GALNT13: variants seen among roughly 807,000 people sequenced by gnomAD.
GALNT13 encodes polypeptide N-acetylgalactosaminyltransferase 13, also known as UDP-GalNAc:polypeptide N-acetylgalactosaminyltransferase 13.
A neutral mutation model predicts 64.2 loss-of-function variants in GALNT13; 28 were observed. The observed-to-expected ratio is 0.44, with a 90% confidence interval of 0.32 to 0.60. The LOEUF is 0.60. Ranked by LOEUF, GALNT13 falls within the 20% of genes least tolerant of loss-of-function variation. The probability of loss-of-function intolerance (pLI) is 0.05; values close to 1 mark genes in which losing one functional copy is unlikely to be tolerated. For synonymous variants in GALNT13, 214 were observed against 224.6 expected, an observed-to-expected ratio of 0.95 and a Z score of 0.42; for missense variants, 577 against 669.8, an observed-to-expected ratio of 0.86 and a Z score of 1.53.
At chr2:153,410,265 G>T in the GALNT13 span, among the ~76,000 whole-genome samples, 1 of 151,636 alleles carries the variant, frequency 6.6e-6, no homozygotes, top group Non-Finnish European at 1.5e-5. Flanking sequence ...TTTAGGGGGG[G>T]TGGGGTAGGG....
At chr2:153,427,439 C>T in the GALNT13 span, among the ~76,000 whole-genome samples, 3 of 151,594 alleles carry the variant, frequency 2.0e-5, no homozygotes, top group Admixed American at 1.3e-4. Flanking sequence ...ATTAAATGGG[C>T]TAGGGAAACT....
chr2:153,181,826 TATAAC>T, the GALNT13 span, among the ~76,000 whole-genome samples: 6 of 146,066 alleles, frequency 4.1e-5, no homozygotes, highest in South Asian at 4.2e-4. Flanking sequence ...ATTTATATAA[TATAAC>T]ATAATTTATA....
the GALNT13 span, among the ~76,000 whole-genome samples, chr2:153,409,376 GTATA>G: frequency 8.2e-6 from 1 of 121,758 alleles, no homozygotes; most frequent in African/African-American, 3.3e-5. Flanking sequence ...TCATATGTGT[GTATA>G]TATATATATA....
chr2:154,095,743 A>G (rs1702042806), intron 3 of GALNT13, among the ~76,000 whole-genome samples: 1 of 151,998 alleles, frequency 6.6e-6, no homozygotes, highest in African/African-American at 2.4e-5. Context: ...ATTTTAGGGC[A>G]TTAAATAATT....
chr2:154,339,784 C>G lies in GALNT13; in HGVS notation c.1156+38195C>G, dbSNP rs147512690. On this transcript the variant is annotated intron_variant, in intron 9 of 12. Coordinates refer to ENST00000392825, the MANE Select transcript of GALNT13 (RefSeq NM_052917.4). ...TAGTAAAAAACTTTATTTTGATAATCAATTTTGGTTCCTGAGCTTTCTCTC... is the reference window on the plus strand; with the variant it reads ...TAGTAAAAAACTTTATTTTGATAATGAATTTTGGTTCCTGAGCTTTCTCTC... 2.2e-3 allele frequency among the ~76,000 whole-genome samples: 330 copies of G among 151,958 alleles called. 4 individuals carry two copies. The highest frequency in any genetic ancestry group is 0.018 in the Admixed American group (269 of 15,240).
chr2:153,786,676 G>T, the GALNT13 span, among the ~76,000 whole-genome samples: 216 of 152,054 alleles, frequency 1.4e-3, 1 homozygote, highest in Middle Eastern at 6.9e-3. Context: ...CAGTGCAGCT[G>T]CTCCACCCCA....
chr2:153,625,729 C>T, the GALNT13 span, among the ~76,000 whole-genome samples: 2 of 151,822 alleles, frequency 1.3e-5, no homozygotes, highest in African/African-American at 4.8e-5. Flanking sequence ...TCATCTCAGT[C>T]TTCTTTTTTT....
the GALNT13 span, among the ~76,000 whole-genome samples, chr2:153,790,681 A>G: frequency 3.3e-5 from 5 of 152,200 alleles, no homozygotes; most frequent in African/African-American, 1.2e-4. Context: ...TGCAGATGAC[A>G]TGATTGTCTA....
At chr2:153,187,725 C>G in the GALNT13 span, among the ~76,000 whole-genome samples, 6 of 152,130 alleles carry the variant, frequency 3.9e-5, no homozygotes, top group African/African-American at 1.2e-4. Flanking sequence ...CTGAAAAAAT[C>G]TACTCTTCTA....
At chr2:153,358,903 C>A in the GALNT13 span, among the ~76,000 whole-genome samples, 1,043 of 152,122 alleles carry the variant, frequency 6.9e-3, 15 homozygotes, top group African/African-American at 0.023. Context: ...AGGCATGTCT[C>A]TATACTTTTT....
chr2:154,087,701 G>T (rs1701602354), intron 3 of GALNT13, among the ~76,000 whole-genome samples: 1 of 152,048 alleles, frequency 6.6e-6, no homozygotes, highest in Non-Finnish European at 1.5e-5. Flanking sequence ...ATACATTCAA[G>T]CAATGATGTC....
At chr2:153,976,298 C>G (rs1052698604) in intron 3 of GALNT13, among the ~76,000 whole-genome samples, 2 of 152,040 alleles carry the variant, frequency 1.3e-5, no homozygotes, top group African/African-American at 4.8e-5. Flanking sequence ...TACAATGTAA[C>G]TAAATGTGGT....
At chr2:153,585,930 C>A in the GALNT13 span, among the ~76,000 whole-genome samples, 1 of 152,082 alleles carries the variant, frequency 6.6e-6, no homozygotes, top group Non-Finnish European at 1.5e-5. Flanking sequence ...GAGAAAATGT[C>A]AAGGGAATTC....
At chr2:153,345,635 T>C in the GALNT13 span, among the ~76,000 whole-genome samples, 2,960 of 68,362 alleles carry the variant, frequency 0.043, 112 homozygotes, top group Non-Finnish European at 0.06. Flanking sequence ...TTTCCTTTCT[T>C]TTTCTTTCTT....
the GALNT13 span, among the ~76,000 whole-genome samples, chr2:153,587,457 T>A: frequency 0.018 from 2,716 of 152,184 alleles, 82 homozygotes; most frequent in African/African-American, 0.063. Flanking sequence ...TGGAGCAGCC[T>A]CACAATCATG....
At chr2:153,450,775 G>T in the GALNT13 span, among the ~76,000 whole-genome samples, 3 of 152,104 alleles carry the variant, frequency 2.0e-5, no homozygotes, top group Non-Finnish European at 4.4e-5. Flanking sequence ...TGTAATAGTA[G>T]CCAGTTGCAA....
At chr2:154,445,844 T>C (rs554152169) in intron 12 of GALNT13, 1 of 1,288,268 alleles carries the variant, frequency 7.8e-7, no homozygotes, top group Non-Finnish European at 1.0e-6. Context: ...AGCTTCAAGA[T>C]GTAGGTGGCC....
At chr2:153,353,416 T>C in the GALNT13 span, among the ~76,000 whole-genome samples, 1 of 152,146 alleles carries the variant, frequency 6.6e-6, no homozygotes, top group South Asian at 2.1e-4. Flanking sequence ...TTTAATTTCC[T>C]CCTTTATAAT....
chr2:154,415,482 T>C (rs1447414593), intron 11 of GALNT13, among the ~76,000 whole-genome samples: 1 of 152,110 alleles, frequency 6.6e-6, no homozygotes, highest in Admixed American at 6.6e-5. Flanking sequence ...TTTATTGCGG[T>C]AAATGATTCA....
Sources: allele counts gnomAD v4.1 joint callset (sites outside exome capture counted in the v4.1 genomes callset), GRCh38; gene constraint gnomAD v4.1.1; transcripts MANE v1.5; gene names NCBI Gene and HGNC (gene_info 2026-07-23, HGNC 2026-07-21).